GASK1A: variants seen among roughly 807,000 people sequenced by gnomAD.
GASK1A encodes golgi associated kinase 1A.
A neutral mutation model predicts 41.2 loss-of-function variants in GASK1A; 40 were observed. The observed-to-expected ratio is 0.97, with a 90% confidence interval of 0.75 to 1.27. GASK1A has a LOEUF of 1.27. Among genes scored for constraint, GASK1A ranks in the 50% most tolerant of loss-of-function variants. The pLI is 0.00. For synonymous variants in GASK1A, 316 were observed against 307.1 expected (o/e 1.03, Z -0.30); for missense variants, 678 against 745.1 (o/e 0.91, Z 1.05).
At chr3:43,006,906 T>C (rs1415909433) in intron 1 of GASK1A, among the ~76,000 whole-genome samples, 1 of 152,014 alleles carries the variant, frequency 6.6e-6, no homozygotes, top group African/African-American at 2.4e-5. Context: ...ATTTACCCAC[T>C]GTCTTCAGTC....
At chr3:43,025,902 G>A (rs189769763) in intron 1 of GASK1A, among the ~76,000 whole-genome samples, 37 of 152,308 alleles carry the variant, frequency 2.4e-4, no homozygotes, top group Middle Eastern at 3.4e-3. Flanking sequence ...AAGACAAAAT[G>A]CAAATTCCTT....
intron 1 of GASK1A, among the ~76,000 whole-genome samples, chr3:43,024,626 T>G (rs572444997): frequency 1.1e-4 from 16 of 152,208 alleles, no homozygotes; most frequent in Non-Finnish European, 2.1e-4. Context: ...CCTTGGAGAT[T>G]GGAGGAGCCC....
intron 1 of GASK1A, among the ~76,000 whole-genome samples, chr3:42,995,690 G>C (rs890287319): frequency 1.3e-4 from 20 of 152,068 alleles, no homozygotes; most frequent in Non-Finnish European, 8.8e-5. Context: ...TCATGTGTTT[G>C]GTCAAAAGAG....
At chr3:43,016,735 TCACAGGAAGAGTCTGTGTGAAGC>T (rs1209552541) in intron 1 of GASK1A, among the ~76,000 whole-genome samples, 2 of 146,544 alleles carry the variant, frequency 1.4e-5, no homozygotes, top group African/African-American at 2.6e-5. Flanking sequence ...CTATGTGAAG[TCACAGGAAGAGTCTGTGTGAAGC>T]CACAGGAAGG....
At chr3:43,056,077 A>G in intron 4 of GASK1A, 99 bp from the exon 5 acceptor site, 1 of 955,366 alleles carries the variant, frequency 1.0e-6, no homozygotes, top group Non-Finnish European at 1.6e-6. Flanking sequence ...TTCCTCAGCT[A>G]TGCAAGCTCT....
intron 2 of GASK1A, among the ~76,000 whole-genome samples, chr3:43,051,097 C>T (rs1394005100): frequency 6.6e-6 from 1 of 152,076 alleles, no homozygotes; most frequent in African/African-American, 2.4e-5. Context: ...TTGTTGAAAA[C>T]TGAGTATTTA....
intron 2 of GASK1A, among the ~76,000 whole-genome samples, chr3:43,049,677 T>G (rs2089679174): frequency 6.8e-6 from 1 of 147,060 alleles, no homozygotes; most frequent in East Asian, 2.0e-4. Flanking sequence ...ACCTGAGATG[T>G]GCTTTCTCCA....
intron 2 of GASK1A, among the ~76,000 whole-genome samples, chr3:43,038,964 T>C (rs531064616): frequency 1.4e-4 from 21 of 152,190 alleles, no homozygotes; most frequent in Middle Eastern, 6.8e-3. Flanking sequence ...CTGAAGGCTA[T>C]TGAATGCAAC....
intron 1 of GASK1A, among the ~76,000 whole-genome samples, chr3:42,980,588 C>T (rs749930661): frequency 2.8e-4 from 43 of 152,096 alleles, no homozygotes; most frequent in Non-Finnish European, 5.4e-4. Flanking sequence ...AGAAGGCTGT[C>T]TAGAGACTGC....
chr3:42,989,284 G>T (rs1312564111), intron 1 of GASK1A, among the ~76,000 whole-genome samples: 2 of 152,076 alleles, frequency 1.3e-5, no homozygotes, highest in African/African-American at 4.8e-5. Context: ...TAATGGATGG[G>T]GTGGGTCCTC....
At chr3:43,021,588 A>C (rs950766057) in intron 1 of GASK1A, among the ~76,000 whole-genome samples, 9 of 152,212 alleles carry the variant, frequency 5.9e-5, no homozygotes, top group African/African-American at 2.2e-4. Flanking sequence ...CCCACCACTC[A>C]TGTAAATATA....
At chr3:43,043,517 G>T (rs575088211) in intron 2 of GASK1A, among the ~76,000 whole-genome samples, 1 of 152,136 alleles carries the variant, frequency 6.6e-6, no homozygotes, top group Non-Finnish European at 1.5e-5. Context: ...TAAGTCTCTG[G>T]TTATGATAAA....
intron 1 of GASK1A, among the ~76,000 whole-genome samples, chr3:43,020,370 G>C (rs946719658): frequency 1.3e-5 from 2 of 152,160 alleles, no homozygotes; most frequent in Admixed American, 1.3e-4. Flanking sequence ...TTGACAGAAG[G>C]CTCCCTCCAT....
intron 2 of GASK1A, among the ~76,000 whole-genome samples, chr3:43,044,374 G>A (rs1575451074): frequency 6.6e-6 from 1 of 152,184 alleles, no homozygotes; most frequent in South Asian, 2.1e-4. Flanking sequence ...CAGGCCTGTA[G>A]TGCTGGGTGA....
intron 1 of GASK1A, among the ~76,000 whole-genome samples, chr3:43,003,468 C>CT (rs2089420073): frequency 6.7e-6 from 1 of 148,654 alleles, no homozygotes; most frequent in Non-Finnish European, 1.5e-5. Flanking sequence ...GCACTCCAGC[C>CT]TGGGTGACAG....
chr3:43,007,034 G>A (rs1433575242), intron 1 of GASK1A, among the ~76,000 whole-genome samples: 1 of 152,214 alleles, frequency 6.6e-6, no homozygotes, highest in Non-Finnish European at 1.5e-5. Context: ...GCACAGCACT[G>A]CCAAGTGGTG....
In GASK1A at chr3:43,034,127, AC is replaced by A. The variant is rs147175880; in HGVS notation, c.1290+575del. Reference sequence around the variant, plus strand: ...ATTTATCAGCATACCACTGTTTATAACTTTACGTCTTTGACTCAACAAGGAT... The same window carrying A: ...ATTTATCAGCATACCACTGTTTATAATTTACGTCTTTGACTCAACAAGGAT... On this transcript the variant is annotated intron_variant, in intron 2 of 4. Transcript: ENST00000430121. Among the ~76,000 whole-genome samples, 134 of 152,312 alleles carry A rather than the reference AC, an allele frequency of 8.8e-4. 4 individuals carry two copies. In the East Asian group the frequency reaches 0.024, roughly 27 times the overall value.
At chr3:43,025,427 T>C (rs1233415778) in intron 1 of GASK1A, among the ~76,000 whole-genome samples, 1 of 152,072 alleles carries the variant, frequency 6.6e-6, no homozygotes, top group Non-Finnish European at 1.5e-5. Context: ...GGAGAGAGGA[T>C]GAGATGGTGA....
chr3:43,009,924 G>A (rs965713898), intron 1 of GASK1A, among the ~76,000 whole-genome samples: 15 of 152,238 alleles, frequency 9.9e-5, no homozygotes, highest in Non-Finnish European at 1.5e-4. Context: ...GGGGGCAGGG[G>A]CCAAGCCTTC....
Sources: gnomAD v4.1 joint callset for allele counts (sites outside exome capture counted in the v4.1 genomes callset) on GRCh38, gnomAD v4.1.1 for gene constraint, MANE v1.5 for transcripts, NCBI Gene and HGNC (gene_info 2026-07-23, HGNC 2026-07-21) for gene names.